CNDP1: variants seen among roughly 807,000 people sequenced by gnomAD.
The protein encoded by CNDP1 is beta-Ala-His dipeptidase.
CNDP1 carries 44 observed loss-of-function variants against 58.1 expected under a neutral mutation model. The ratio of observed to expected loss-of-function variants is 0.76; its 90% confidence interval spans 0.60 to 0.97. The LOEUF is 0.97. CNDP1 is among the 50% of genes least tolerant of loss of function. The pLI is 0.00. For synonymous variants in CNDP1, 254 were observed against 252.6 expected (o/e 1.01, Z -0.05); for missense variants, 616 against 655.1 (o/e 0.94, Z 0.65).
Position 74,547,651 on chromosome 18 carries a change from G to A in CNDP1, c.25-8687G>A, listed in dbSNP as rs527986507. ...AGGGCATGCAACTCTCCAGTTGTTA[G>A]CAAGAGCTAGGAGGGAGGTGGAGGC... On this transcript the variant is annotated intron_variant, in intron 1 of 11. Coordinates refer to ENST00000358821, the MANE Select transcript of CNDP1 (RefSeq NM_032649.6). Among the ~76,000 whole-genome samples, 8 of 152,314 alleles carry A rather than the reference G, an allele frequency of 5.3e-5. No homozygotes were observed. The East Asian group carries it at 7.7e-4, about 15-fold the overall frequency.
intron 6 of CNDP1, 86 bp from the exon 7 acceptor site, chr18:74,571,100 G>A (rs574308367): frequency 3.4e-5 from 29 of 846,572 alleles, no homozygotes; most frequent in South Asian, 1.9e-4. Flanking sequence ...AGGGACACAC[G>A]CAGATATGTA....
chr18:74,536,827 C>G (rs982064741), intron 1 of CNDP1, among the ~76,000 whole-genome samples: 1 of 151,944 alleles, frequency 6.6e-6, no homozygotes, highest in Non-Finnish European at 1.5e-5. Flanking sequence ...CTTTTTAATA[C>G]AGTTGTTTGA....
chr18:74,575,874 T>C (rs1008549922), intron 7 of CNDP1, among the ~76,000 whole-genome samples: 41 of 145,588 alleles, frequency 2.8e-4, no homozygotes, highest in Non-Finnish European at 5.5e-4. Context: ...TACATTTTTT[T>C]TTTTTTTTTT....
At position 74,578,230 on chromosome 18, in the gene CNDP1, A is replaced by C. The variant is rs1981683139; in HGVS notation, c.1070A>C (p.Asp357Ala). ...ATTCATGGGATCGAGGGCGCGTTTG[A>C]TGAGCCTGGAACTAAAACAGTCATA... ...LSIHGIEGAF[D>A]EPGTKTVIPG... The change falls in exon 9 of 12, where the codon GAT (aspartate) becomes GCT (alanine). Residue 357 changes from aspartate to alanine, a missense_variant. By Grantham distance (126) the Asp-to-Ala change is moderately radical. Coordinates refer to ENST00000358821, the MANE Select transcript of CNDP1 (RefSeq NM_032649.6). 6.2e-7 allele frequency: 1 copy of C among 1,614,136 alleles called. No homozygotes were observed. Among genetic ancestry groups the C allele is most frequent in the Non-Finnish European group, 8.5e-7 (1 of 1,180,018 alleles).
chr18:74,546,725 C>A (rs1275990422), intron 1 of CNDP1, among the ~76,000 whole-genome samples: 4 of 152,228 alleles, frequency 2.6e-5, no homozygotes, highest in African/African-American at 9.7e-5. Context: ...CCTCCATCCC[C>A]TGGCTTCGGC....
chr18:74,575,085 G>GAAGGAAGGAAAGAA (rs1981593615), intron 7 of CNDP1, among the ~76,000 whole-genome samples: 1 of 146,842 alleles, frequency 6.8e-6, no homozygotes, highest in African/African-American at 2.5e-5. Flanking sequence ...GGAAAGAAAG[G>GAAGGAAGGAAAGAA]AAGGAAGGAA....
At chr18:74,580,372 CA>C in intron 10 of CNDP1, 101 bp downstream of exon 10, 1 of 1,195,568 alleles carries the variant, frequency 8.4e-7, no homozygotes, top group Non-Finnish European at 1.2e-6. Context: ...ACTCAGAAAT[CA>C]ACTCTCCTTT....
At chr18:74,554,666 G>T (rs1339484700) in intron 1 of CNDP1, among the ~76,000 whole-genome samples, 1 of 152,148 alleles carries the variant, frequency 6.6e-6, no homozygotes, top group African/African-American at 2.4e-5. Context: ...GCCCTGCATG[G>T]TACCCCAACA....
rs561694659 is a variant in CNDP1, at chr18:74,545,013, G to GCAAAGGA, written c.24+10324_24+10330dup. ...CAGAGACTGGAAGGACACAGTCACA[G>GCAAAGGA]CAAAGGACTGCTGCCAACACCAGAA... On this transcript the variant is annotated intron_variant, in intron 1 of 11. Coordinates refer to ENST00000358821, the MANE Select transcript of CNDP1 (RefSeq NM_032649.6). The surrounding 1 kb of genome is among the most constrained non-coding windows in gnomAD (Gnocchi z 4.1). Among the ~76,000 whole-genome samples, 850 of 152,302 alleles carry GCAAAGGA rather than the reference G, an allele frequency of 5.6e-3. 5 individuals carry two copies. Among genetic ancestry groups the GCAAAGGA allele is most frequent in the Non-Finnish European group, 9.5e-3 (647 of 68,024 alleles).
intron 1 of CNDP1, among the ~76,000 whole-genome samples, chr18:74,544,340 A>C (rs1980702723): frequency 6.6e-6 from 1 of 152,216 alleles, no homozygotes; most frequent in Non-Finnish European, 1.5e-5. Flanking sequence ...GAAAGAAGAG[A>C]AACAAAGTCC....
chr18:74,580,541 G>C (rs1003531399), intron 10 of CNDP1, among the ~76,000 whole-genome samples: 1 of 152,212 alleles, frequency 6.6e-6, no homozygotes, highest in Admixed American at 6.5e-5. Context: ...CTCACAAGGG[G>C]CAAAGCCTGT....
intron 1 of CNDP1, among the ~76,000 whole-genome samples, chr18:74,539,462 A>G (rs1452508884): frequency 6.6e-6 from 1 of 152,158 alleles, no homozygotes; most frequent in African/African-American, 2.4e-5. Context: ...GTGCCAGCAA[A>G]TGCCGGAGGG....
At position 74,584,537 on chromosome 18, in the gene CNDP1, T is replaced by G; in HGVS notation, c.1499T>G (p.Phe500Cys). ...IEGTKLFAAF[F>C]LEMAQLH is the part of the protein sequence containing the mutation. ...GGAACCAAATTATTTGCTGCCTTTT[T>G]CTTAGAGATGGCCCAGCTCCATTAA... The change falls in exon 12 of 12, where the codon TTC becomes TGC. Residue 500 changes from phenylalanine (F) to cysteine (C), a missense_variant. Physicochemically the swap from Phe to Cys is radical, Grantham distance 205 (BLOSUM62 -2). Coordinates refer to ENST00000358821, the MANE Select transcript of CNDP1 (RefSeq NM_032649.6). 1 of 1,613,946 alleles carries G rather than the reference T, an allele frequency of 6.2e-7. No homozygotes were observed. The highest frequency in any genetic ancestry group is 1.1e-5 in the South Asian group (1 of 91,074).
rs748458390 is a variant in CNDP1, at chr18:74,584,243, C to A, written c.1458-253C>A. On this transcript the variant is annotated intron_variant, in intron 11 of 11. Transcript: ENST00000358821. Reference sequence around the variant, plus strand: ...AATTGTTTGACCCTGATATCCATATCAGTGATAAGAAATCAAGGAAAATTC... The same window carrying A: ...AATTGTTTGACCCTGATATCCATATAAGTGATAAGAAATCAAGGAAAATTC... 3.1e-4 allele frequency: 153 copies of A among 496,882 alleles called. 1 individual carries two copies. The highest frequency in any genetic ancestry group is 1.7e-3 in the Middle Eastern group (3 of 1,790). 30.8% of individuals were successfully genotyped at this position (496,882 alleles called of 1,614,324 possible).
intron 3 of CNDP1, 98 bp downstream of exon 3, chr18:74,559,570 A>G (rs1303604022): frequency 8.9e-7 from 1 of 1,128,706 alleles, no homozygotes; most frequent in East Asian, 2.6e-5. Flanking sequence ...CTGATCCTCA[A>G]CCACAACCCC....
intron 10 of CNDP1, among the ~76,000 whole-genome samples, chr18:74,580,722 G>A (rs1167398746): frequency 1.3e-5 from 2 of 152,188 alleles, no homozygotes; most frequent in African/African-American, 4.8e-5. Flanking sequence ...AATCCCAGCA[G>A]TTTGGGAGGC....
intron 3 of CNDP1, among the ~76,000 whole-genome samples, chr18:74,560,434 G>A (rs528646949): frequency 6.6e-6 from 1 of 152,334 alleles, no homozygotes; most frequent in African/African-American, 2.4e-5. Flanking sequence ...TTGGCTGGGT[G>A]TGGCATCTCA....
intron 1 of CNDP1, among the ~76,000 whole-genome samples, chr18:74,539,115 C>T (rs983453261): frequency 5.3e-5 from 8 of 150,168 alleles, no homozygotes; most frequent in Admixed American, 4.7e-4. Flanking sequence ...AGATTATGGC[C>T]GGAAAATACA....
chr18:74,564,220 T>G (rs1421452047), intron 5 of CNDP1, among the ~76,000 whole-genome samples: 1 of 152,190 alleles, frequency 6.6e-6, no homozygotes, highest in African/African-American at 2.4e-5. Context: ...GTTTATCTGC[T>G]TGTAATCACT....
Sources: gnomAD v4.1 joint callset for allele counts (sites outside exome capture counted in the v4.1 genomes callset) on GRCh38, gnomAD v4.1.1 for gene constraint, Gnocchi (gnomAD v3.1) non-coding constraint, MANE v1.5 for transcripts, NCBI Gene and HGNC (gene_info 2026-07-23, HGNC 2026-07-21) for gene names.